Variants in CLRN1 observed in about 807,000 individuals in gnomAD.
The protein encoded by CLRN1 is clarin 1.
CLRN1 carries 15 observed loss-of-function variants against 18.7 expected under a neutral mutation model. The observed-to-expected ratio is 0.80, with a 90% confidence interval of 0.54 to 1.23. CLRN1 has a LOEUF of 1.23. Among genes scored for constraint, CLRN1 ranks in the 50% most tolerant of loss-of-function variants. CLRN1 has a pLI of 0.00. For synonymous variants in CLRN1, 104 were observed against 102.9 expected, an observed-to-expected ratio of 1.01 and a Z score of -0.07; for missense variants, 311 against 277.5, an observed-to-expected ratio of 1.12 and a Z score of -0.86.
intron 2 of CLRN1, among the ~76,000 whole-genome samples, chr3:150,934,708 C>T (rs1436633354): frequency 1.3e-5 from 2 of 152,154 alleles, no homozygotes; most frequent in African/African-American, 4.8e-5. Context: ...AAGGCCCCCA[C>T]TCAAATATCA....
intron 1 of CLRN1, chr3:150,942,737 C>T (rs1210513326): frequency 3.2e-5 from 10 of 309,132 alleles, no homozygotes; most frequent in South Asian, 4.9e-5. Context: ...CCCCCTTTTA[C>T]GCATGTGTCA....
intron 1 of CLRN1, among the ~76,000 whole-genome samples, chr3:150,948,516 A>G (rs1714308009): frequency 6.9e-6 from 1 of 144,990 alleles, no homozygotes; most frequent in Non-Finnish European, 1.5e-5. Flanking sequence ...AAAAGAAATG[A>G]TGAAGAGAAT....
At chr3:150,948,478 C>A (rs1438290008) in intron 1 of CLRN1, among the ~76,000 whole-genome samples, 1 of 97,714 alleles carries the variant, frequency 1.0e-5, no homozygotes, top group Admixed American at 1.3e-4. Context: ...AGCGAGACTC[C>A]GTCTCAAAAA....
intron 1 of CLRN1, among the ~76,000 whole-genome samples, chr3:150,956,579 G>A (rs1354075561): frequency 6.6e-6 from 1 of 152,126 alleles, no homozygotes; most frequent in Non-Finnish European, 1.5e-5. Flanking sequence ...CTCATTACTC[G>A]AGTCTGCTAT....
At chr3:150,942,924 A>G (rs957194968) in intron 1 of CLRN1, among the ~76,000 whole-genome samples, 1 of 152,146 alleles carries the variant, frequency 6.6e-6, no homozygotes, top group African/African-American at 2.4e-5. Flanking sequence ...TGAGTTGCCA[A>G]GAAGTCCAGG....
intron 2 of CLRN1, among the ~76,000 whole-genome samples, chr3:150,935,669 A>T (rs1207949895): frequency 6.6e-6 from 1 of 151,370 alleles, no homozygotes; most frequent in Non-Finnish European, 1.5e-5. Flanking sequence ...CAGTAATGGG[A>T]TGGCTGGGTC....
rs776813005 is a variant in CLRN1, at chr3:150,928,146, G to A, written c.489C>T (p.His163=). ...TATAATTTGCAATTTTTTCTGAGAG[G>A]TGATGGATTTTCACTTCAGAGGCAA... ...ILFASEVKIH[H]LSEKIANYKE... The change falls in exon 3 of 3, where the codon CAC becomes CAT. Residue 163 remains histidine (H), a synonymous_variant. Transcript: ENST00000327047. 1 of 1,613,766 alleles carries A rather than the reference G, an allele frequency of 6.2e-7. No individual in the cohort carries two copies. Among genetic ancestry groups the A allele is most frequent in the Non-Finnish European group, 8.5e-7 (1 of 1,179,972 alleles).
intron 1 of CLRN1, among the ~76,000 whole-genome samples, chr3:150,944,706 G>GGTC (rs1714072353): frequency 6.6e-6 from 1 of 151,854 alleles, no homozygotes; most frequent in African/African-American, 2.4e-5. Flanking sequence ...AGTGAGCCAA[G>GGTC]GTCCCACCAC....
chr3:150,942,809 G>A (rs1215556702), intron 1 of CLRN1, among the ~76,000 whole-genome samples: 1 of 152,084 alleles, frequency 6.6e-6, no homozygotes, highest in African/African-American at 2.4e-5. Flanking sequence ...ATTGGCCTTC[G>A]ATTGCTTTGA....
intron 2 of CLRN1, among the ~76,000 whole-genome samples, chr3:150,930,514 T>C (rs886209282): frequency 2.6e-5 from 4 of 152,220 alleles, no homozygotes; most frequent in African/African-American, 9.6e-5. Flanking sequence ...GAGTGGTAGC[T>C]GAGAATATTC....
At position 150,927,018 on chromosome 3, in the gene CLRN1, C is replaced by A; in HGVS notation, c.*918G>T. 7.1e-7 allele frequency: 1 copy of A among 1,410,924 alleles called. No individual in the cohort carries two copies. Among genetic ancestry groups the A allele is most frequent in the Non-Finnish European group, 9.8e-7 (1 of 1,023,672 alleles). 87.4% of individuals were successfully genotyped at this position (1,410,924 alleles called of 1,614,324 possible). ...TAATTTTCATAATTGCATATTAGTACTCGAGACACTATAGCTAGAAAAACA... is the reference window on the plus strand; with the variant it reads ...TAATTTTCATAATTGCATATTAGTAATCGAGACACTATAGCTAGAAAAACA... On this transcript the variant is annotated 3_prime_UTR_variant, in exon 3 of 3. Transcript: ENST00000327047.
intron 1 of CLRN1, among the ~76,000 whole-genome samples, chr3:150,966,710 T>C (rs751834437): frequency 2.6e-5 from 4 of 152,184 alleles, no homozygotes; most frequent in Non-Finnish European, 4.4e-5. Flanking sequence ...ACTTTGGTCA[T>C]GAAATCCATC....
intron 1 of CLRN1, among the ~76,000 whole-genome samples, chr3:150,965,012 C>T (rs146315913): frequency 5.4e-4 from 82 of 152,118 alleles, no homozygotes; most frequent in African/African-American, 1.9e-3. Flanking sequence ...AACAAACCTG[C>T]ATGTTCTGCA....
rs1298789150 is a variant in CLRN1, at chr3:150,927,170, A to G, written c.*766T>C. Reference sequence around the variant, plus strand: ...AATGTAATTGGGACTCAGGCACGGGAGGAAAAATACCCTAAGCTTGGTTTT... The same window carrying G: ...AATGTAATTGGGACTCAGGCACGGGGGGAAAAATACCCTAAGCTTGGTTTT... On this transcript the variant is annotated 3_prime_UTR_variant, in exon 3 of 3. Transcript: ENST00000327047. The G allele has an allele frequency of 1.6e-6, 1 of 619,706 alleles. No homozygotes were observed. The highest frequency in any genetic ancestry group is 1.8e-5 in the African/African-American group (1 of 55,402). The allele number at this position is 619,706 out of a possible 1,614,324, so 38.4% of individuals were successfully genotyped here. A position where few individuals can be genotyped will look rare whatever the true frequency, so the allele number is the denominator to read the frequency against.
Position 150,928,015 on chromosome 3 carries a change from C to A in CLRN1, c.620G>T (p.Arg207Leu). Residue 207 changes from arginine to leucine, a missense_variant, in exon 3 of 3, where the codon CGA becomes CTA. Physicochemically the swap from Arg to Leu is moderately radical, Grantham distance 102. Coordinates refer to ENST00000327047, the MANE Select transcript of CLRN1 (RefSeq NM_174878.3). ...FVHFLNGLLI[R>L]LAGFQFPFAK... Reference sequence around the variant, plus strand: ...AAAAGGGAACTGAAATCCAGCAAGTCGTATTAGGAGCCCATTCAGAAAATG... The same window carrying A: ...AAAAGGGAACTGAAATCCAGCAAGTAGTATTAGGAGCCCATTCAGAAAATG... 1 of 1,614,058 alleles carries A rather than the reference C, an allele frequency of 6.2e-7. No homozygotes were observed. The highest frequency in any genetic ancestry group is 2.2e-5 in the East Asian group (1 of 44,878).
At chr3:150,939,037 G>A (rs1429933782) in intron 2 of CLRN1, among the ~76,000 whole-genome samples, 1 of 152,224 alleles carries the variant, frequency 6.6e-6, no homozygotes, top group Non-Finnish European at 1.5e-5. Context: ...AGAAGCTGGA[G>A]CGCTAGACGG....
chr3:150,946,382 T>C (rs1714170127), intron 1 of CLRN1, among the ~76,000 whole-genome samples: 2 of 152,186 alleles, frequency 1.3e-5, no homozygotes, highest in African/African-American at 4.8e-5. Flanking sequence ...AACCACCTTG[T>C]TACAGCCACC....
At chr3:150,969,765 C>T (rs755875443) in intron 1 of CLRN1, among the ~76,000 whole-genome samples, 8 of 151,932 alleles carry the variant, frequency 5.3e-5, no homozygotes, top group Non-Finnish European at 1.2e-4. Flanking sequence ...AGAAAACTTG[C>T]CATGAGACCA....
At chr3:150,945,689 A>G (rs1187009338) in intron 1 of CLRN1, 2 of 1,248,614 alleles carry the variant, frequency 1.6e-6, no homozygotes, top group Non-Finnish European at 2.1e-6. Flanking sequence ...TCTTCTCACA[A>G]TCAGAAAAAT....
Sources: gnomAD v4.1 joint callset for allele counts (sites outside exome capture counted in the v4.1 genomes callset) on GRCh38, gnomAD v4.1.1 for gene constraint, MANE v1.5 for transcripts, NCBI Gene and HGNC (gene_info 2026-07-23, HGNC 2026-07-21) for gene names.